GALNTL6: variants seen among roughly 807,000 people sequenced by gnomAD.
GALNTL6 encodes the protein polypeptide N-acetylgalactosaminyltransferase-like 6.
A neutral mutation model predicts 73.7 loss-of-function variants in GALNTL6; 46 were observed. The observed-to-expected ratio is 0.62, with a 90% CI of 0.49 to 0.80. GALNTL6 has a LOEUF of 0.80. Ranked by LOEUF, GALNTL6 falls within the 30% of genes least tolerant of loss-of-function variation. The probability of loss-of-function intolerance (pLI) is 0.00; values close to 1 mark genes in which losing one functional copy is unlikely to be tolerated. For synonymous variants in GALNTL6, 259 were observed against 263.7 expected, an observed-to-expected ratio of 0.98 and a Z score of 0.17; for missense variants, 604 against 755.0, an observed-to-expected ratio of 0.80 and a Z score of 2.34.
intron 5 of GALNTL6, among the ~76,000 whole-genome samples, chr4:172,686,839 G>T (rs1579337308): frequency 6.6e-6 from 1 of 152,016 alleles, no homozygotes; most frequent in South Asian, 2.1e-4. Flanking sequence ...TCTATCCATG[G>T]TTGACATAAT....
At chr4:171,909,771 C>G (rs1284925746) in intron 2 of GALNTL6, among the ~76,000 whole-genome samples, 1 of 152,088 alleles carries the variant, frequency 6.6e-6, no homozygotes, top group South Asian at 2.1e-4. Context: ...TATTAAAATG[C>G]TTTTCTATTT....
chr4:172,799,824 T>C (rs1740507518), intron 5 of GALNTL6, among the ~76,000 whole-genome samples: 1 of 152,220 alleles, frequency 6.6e-6, no homozygotes, highest in Non-Finnish European at 1.5e-5. Flanking sequence ...CACCCGTGTT[T>C]GTAGCAGCAT....
intron 5 of GALNTL6, among the ~76,000 whole-genome samples, chr4:172,528,418 C>T (rs1735045032): frequency 6.8e-6 from 1 of 146,936 alleles, no homozygotes; most frequent in South Asian, 2.1e-4. Flanking sequence ...AGTGCAGTGG[C>T]ATGATCTCGG....
chr4:172,895,984 C>T (rs1040108703), intron 8 of GALNTL6, among the ~76,000 whole-genome samples: 1 of 152,150 alleles, frequency 6.6e-6, no homozygotes, highest in Non-Finnish European at 1.5e-5. Context: ...TTATTTCAAT[C>T]TCTCCGTTAA....
In GALNTL6 at chr4:172,705,782, A is replaced by G. The variant is rs550182470; in HGVS notation, c.554-103579A>G. Reference sequence around the variant, plus strand: ...TGACAGTTTTTTTTCCTTTAGCACTATTAGTATGTCATCCCACTTCTTCCT... The same window carrying G: ...TGACAGTTTTTTTTCCTTTAGCACTGTTAGTATGTCATCCCACTTCTTCCT... On this transcript the variant is annotated intron_variant, in intron 5 of 12. Coordinates refer to ENST00000506823, the MANE Select transcript of GALNTL6 (RefSeq NM_001034845.3). Among the ~76,000 whole-genome samples, 11 of 152,200 alleles carry G rather than the reference A, an allele frequency of 7.2e-5. No individual in the cohort carries two copies. The South Asian group carries it at 2.3e-3, about 32-fold the overall frequency.
chr4:172,496,260 A>T (rs1734066693), intron 5 of GALNTL6, among the ~76,000 whole-genome samples: 1 of 152,256 alleles, frequency 6.6e-6, no homozygotes, highest in Admixed American at 6.5e-5. Flanking sequence ...AAATTTTGCA[A>T]AAGGTCCATA....
At chr4:173,031,128 G>C (rs952332323) in intron 12 of GALNTL6, among the ~76,000 whole-genome samples, 1 of 152,086 alleles carries the variant, frequency 6.6e-6, no homozygotes, top group Admixed American at 6.6e-5. Flanking sequence ...TTCTTACTAT[G>C]AATTTCTGTT....
chr4:173,032,984 G>A (rs760792421), intron 12 of GALNTL6, among the ~76,000 whole-genome samples: 2 of 152,062 alleles, frequency 1.3e-5, no homozygotes, highest in Non-Finnish European at 2.9e-5. Flanking sequence ...CTCTGTCAGG[G>A]CATTAAGAAA....
intron 5 of GALNTL6, among the ~76,000 whole-genome samples, chr4:172,552,837 TAAAA>T (rs397933315): frequency 1.4e-4 from 11 of 80,410 alleles, no homozygotes; most frequent in Admixed American, 3.5e-4. Flanking sequence ...GTAATTGCAG[TAAAA>T]AAAAAAAAAA....
intron 5 of GALNTL6, among the ~76,000 whole-genome samples, chr4:172,681,638 A>C (rs1318405146): frequency 6.6e-6 from 1 of 152,228 alleles, no homozygotes; most frequent in Non-Finnish European, 1.5e-5. Flanking sequence ...AAAATTATAT[A>C]AATTAGTTAC....
chr4:172,063,166 A>G (rs1333792790), intron 2 of GALNTL6, among the ~76,000 whole-genome samples: 1 of 152,182 alleles, frequency 6.6e-6, no homozygotes, highest in East Asian at 1.9e-4. Flanking sequence ...CAGGGGAAGG[A>G]CAACGTAGCT....
chr4:172,080,581 T>C (rs1249766205), intron 2 of GALNTL6, among the ~76,000 whole-genome samples: 1 of 152,034 alleles, frequency 6.6e-6, no homozygotes, highest in Admixed American at 6.6e-5. Flanking sequence ...TGCAATAAAA[T>C]TTATAAATAG....
At position 172,047,471 on chromosome 4, in the gene GALNTL6, C is replaced by T. The variant is rs561000770; in HGVS notation, c.139-182185C>T. Among the ~76,000 whole-genome samples the T allele has an allele frequency of 3.3e-5, 5 of 152,240 alleles. No homozygotes were observed. The South Asian group carries it at 8.3e-4, about 25-fold the overall frequency. On this transcript the variant is annotated intron_variant, in intron 2 of 12. Transcript: ENST00000506823. The stretch of plus-strand genomic sequence containing the variant: ...TAGTTGAATTTTGCCGTGCTTTCCT[C>T]TTCCTTTTCCACCTGAGAACAAAGC...
At chr4:172,565,970 G>C (rs1400369018) in intron 5 of GALNTL6, among the ~76,000 whole-genome samples, 1 of 151,908 alleles carries the variant, frequency 6.6e-6, no homozygotes, top group South Asian at 2.1e-4. Flanking sequence ...AATTATATGA[G>C]GTTTCATTTC....
At chr4:172,662,945 T>C (rs1731455124) in intron 5 of GALNTL6, among the ~76,000 whole-genome samples, 1 of 152,078 alleles carries the variant, frequency 6.6e-6, no homozygotes, top group African/African-American at 2.4e-5. Context: ...GGTACCTGGA[T>C]AAGGAGAAAT....
intron 5 of GALNTL6, among the ~76,000 whole-genome samples, chr4:172,478,357 C>A (rs1298741958): frequency 6.6e-6 from 1 of 152,096 alleles, no homozygotes; most frequent in African/African-American, 2.4e-5. Flanking sequence ...AAAATAAAGC[C>A]AAATACCTAC....
intron 5 of GALNTL6, among the ~76,000 whole-genome samples, chr4:172,703,335 A>G (rs1278979706): frequency 6.6e-6 from 1 of 151,936 alleles, no homozygotes; most frequent in Non-Finnish European, 1.5e-5. Context: ...TGGATTTTTC[A>G]TATATCACCT....
At chr4:173,033,300 G>A (rs150379091) in intron 12 of GALNTL6, among the ~76,000 whole-genome samples, 146 of 150,820 alleles carry the variant, frequency 9.7e-4, no homozygotes, top group Non-Finnish European at 1.6e-3. Context: ...ACTGTGCCCA[G>A]CCAAGAAACA....
chr4:172,902,657 G>A (rs762330477), intron 8 of GALNTL6, among the ~76,000 whole-genome samples: 26 of 152,260 alleles, frequency 1.7e-4, no homozygotes, highest in Non-Finnish European at 3.5e-4. Context: ...TAACAAACTC[G>A]GGAGCCCTAC....
Sources: allele counts gnomAD v4.1 joint callset (sites outside exome capture counted in the v4.1 genomes callset), GRCh38; gene constraint gnomAD v4.1.1; transcripts MANE v1.5; gene names NCBI Gene and HGNC (gene_info 2026-07-23, HGNC 2026-07-21).